The following DST variants were observed in gnomAD, a reference collection of about 807,000 sequenced individuals.
DST encodes the protein dystonin, also known as bullous pemphigoid antigen.
In DST, 253 loss-of-function variants were observed where a neutral mutation model predicts 875.2. The ratio of observed to expected loss-of-function variants is 0.29; its 90% CI spans 0.26 to 0.32. The LOEUF (loss-of-function observed/expected upper bound fraction) is 0.32. DST is among the 10% of genes least tolerant of loss of function. DST has a pLI of 1.00. For synonymous variants in DST, 3,124 were observed against 3,197.1 expected (o/e 0.98, Z 0.77); for missense variants, 8,287 against 9,111.6 (o/e 0.91, Z 3.68).
intron 9 of DST, among the ~76,000 whole-genome samples, chr6:56,694,746 G>T (rs35408048): frequency 0.14 from 21,596 of 152,162 alleles, 2,097 homozygotes; most frequent in Non-Finnish European, 0.22. Flanking sequence ...GATGGGCCTA[G>T]TGGGGGGTGT....
chr6:56,516,555 G>A (rs1039947063), intron 71 of DST, among the ~76,000 whole-genome samples: 1 of 151,984 alleles, frequency 6.6e-6, no homozygotes, highest in African/African-American at 2.4e-5. Context: ...ATGATTTTAG[G>A]CATAGAGATT....
At chr6:56,885,505 T>C (rs984208766) in intron 3 of DST, among the ~76,000 whole-genome samples, 15 of 152,218 alleles carry the variant, frequency 9.9e-5, no homozygotes, top group African/African-American at 3.6e-4. Context: ...TTGGTTTGAA[T>C]GTTGTATCCC....
At chr6:56,814,159 A>G (rs78285764) in intron 4 of DST, among the ~76,000 whole-genome samples, 2,722 of 152,274 alleles carry the variant, frequency 0.018, 66 homozygotes, top group African/African-American at 0.061. Flanking sequence ...TTTATTATAT[A>G]AACAAATATA....
At chr6:56,751,658 G>C (rs1207444854) in intron 4 of DST, among the ~76,000 whole-genome samples, 2 of 152,176 alleles carry the variant, frequency 1.3e-5, no homozygotes, top group African/African-American at 4.8e-5. Context: ...TTCCCTCAGA[G>C]AATAGAGAAC....
chr6:56,636,236 A>ATT (rs10655954), intron 23 of DST, among the ~76,000 whole-genome samples: 7,241 of 142,350 alleles, frequency 0.051, 454 homozygotes, highest in African/African-American at 0.15. Flanking sequence ...AACAATTCAC[A>ATT]TATATATATA....
rs760926907 is a variant in DST, at chr6:56,497,390, T to C, written c.20212A>G (p.Asn6738Asp). Residue 6738 changes from asparagine to aspartate, a missense_variant, in exon 82 of 104, where the codon AAT (asparagine) becomes GAT (aspartate). Asn to Asp is a conservative substitution (Grantham distance 23, BLOSUM62 1). Coordinates refer to ENST00000680361, the MANE Select transcript of DST (RefSeq NM_001374736.1). Reference protein sequence around the residue: ...GLPETAKEQLNVHMEVCAAFE... With the variant: ...GLPETAKEQLDVHMEVCAAFE... ...AATACTTTGCTTACCATATGGACAT[T>C]AAGCTGCTCCTTGGCTGTTTCCGGT... 8.7e-6 allele frequency: 14 copies of C among 1,612,914 alleles called. No homozygotes were observed. The highest frequency in any genetic ancestry group is 1.2e-5 in the Non-Finnish European group (14 of 1,179,264).
chr6:56,937,979 G>A (rs1420374845), intron 2 of DST, among the ~76,000 whole-genome samples: 1 of 152,058 alleles, frequency 6.6e-6, no homozygotes, highest in Admixed American at 6.6e-5. Flanking sequence ...AAAGCAGCAT[G>A]GGGTTAGGGA....
chr6:56,932,939 C>T (rs1387266398), intron 2 of DST, among the ~76,000 whole-genome samples: 3 of 151,088 alleles, frequency 2.0e-5, no homozygotes, highest in Non-Finnish European at 4.4e-5. Flanking sequence ...TAGCTTAAAA[C>T]AATCTCCCAG....
chr6:56,901,156 G>T (rs1469637690), intron 2 of DST, among the ~76,000 whole-genome samples: 1 of 152,184 alleles, frequency 6.6e-6, no homozygotes, highest in Non-Finnish European at 1.5e-5. Context: ...GTATGGGTTT[G>T]GGCGTCAGAT....
chr6:56,617,504 G>GT, intron 36 of DST: 2 of 1,229,080 alleles, frequency 1.6e-6, no homozygotes, highest in Non-Finnish European at 2.4e-6. Flanking sequence ...ATAATTCTTT[G>GT]AATTACAAAG....
chr6:56,860,561 G>A (rs763419766), intron 3 of DST, among the ~76,000 whole-genome samples: 1 of 152,142 alleles, frequency 6.6e-6, no homozygotes, highest in Non-Finnish European at 1.5e-5. Flanking sequence ...TCAGGCTCCC[G>A]ACGAATCTAG....
intron 4 of DST, among the ~76,000 whole-genome samples, chr6:56,750,415 A>C (rs1182356513): frequency 6.6e-6 from 1 of 152,154 alleles, no homozygotes; most frequent in Non-Finnish European, 1.5e-5. Flanking sequence ...AACCAAAGGC[A>C]AACTTTGAAG....
chr6:56,823,929 T>A (rs2099776074), intron 4 of DST, among the ~76,000 whole-genome samples: 1 of 152,186 alleles, frequency 6.6e-6, no homozygotes, highest in South Asian at 2.1e-4. Context: ...GTATTTACAA[T>A]ATGCCAAGCA....
intron 7 of DST, among the ~76,000 whole-genome samples, chr6:56,702,430 G>T (rs1225658196): frequency 6.6e-6 from 1 of 151,110 alleles, no homozygotes; most frequent in Non-Finnish European, 1.5e-5. Flanking sequence ...GCATATTAAT[G>T]AAAATGAGAT....
intron 10 of DST, among the ~76,000 whole-genome samples, chr6:56,659,099 G>T (rs2099025384): frequency 6.6e-6 from 1 of 152,166 alleles, no homozygotes; most frequent in South Asian, 2.1e-4. Flanking sequence ...TCAGATCTGG[G>T]GGTGGACAGA....
At chr6:56,489,669 A>T in intron 85 of DST, 60 bp from the exon 86 acceptor site, 5 of 1,506,650 alleles carry the variant, frequency 3.3e-6, no homozygotes, top group Non-Finnish European at 4.5e-6. Flanking sequence ...CTTGAGATCT[A>T]GCACAGTTTT....
intron 83 of DST, among the ~76,000 whole-genome samples, chr6:56,493,464 G>A (rs1417613749): frequency 6.6e-6 from 1 of 151,782 alleles, no homozygotes; most frequent in African/African-American, 2.4e-5. Flanking sequence ...CATCAGTGAT[G>A]GCATATAATC....
Position 56,882,554 on chromosome 6 carries a change from A to G in DST, c.417+17867T>C, listed in dbSNP as rs1592048581. On this transcript the variant is annotated intron_variant, in intron 3 of 103. Coordinates refer to ENST00000680361, the MANE Select transcript of DST (RefSeq NM_001374736.1). ...CTGGCTTGCCTCCCTATTTAGCAAC[A>G]GAAAATTAAAAGTATAAGCAGCAAA... is the stretch of plus-strand genomic sequence containing the variant. Among the ~76,000 whole-genome samples the G allele has an allele frequency of 2.0e-5, 3 of 152,382 alleles. 1 individual carries two copies. Among genetic ancestry groups the G allele is most frequent in the Admixed American group, 2.0e-4 (3 of 15,310 alleles).
chr6:56,942,820 C>T (rs1185902322), intron 2 of DST, among the ~76,000 whole-genome samples: 6 of 149,100 alleles, frequency 4.0e-5, no homozygotes, highest in African/African-American at 1.5e-4. Context: ...GGCTTAAAAG[C>T]AGTCAGCCGC....
Sources: allele counts gnomAD v4.1 joint callset (sites outside exome capture counted in the v4.1 genomes callset), GRCh38; gene constraint gnomAD v4.1.1; transcripts MANE v1.5; gene names NCBI Gene and HGNC (gene_info 2026-07-23, HGNC 2026-07-21).